Variants in SNAP91 observed in about 807,000 individuals in gnomAD.
SNAP91 encodes synaptosome associated protein 91, also known as clathrin coat assembly protein AP180.
In SNAP91, 27 loss-of-function variants were observed where a neutral mutation model predicts 100.3. The observed-to-expected ratio is 0.27, with a 90% CI of 0.20 to 0.37. SNAP91 has a LOEUF of 0.37. SNAP91 is among the 10% of genes least tolerant of loss of function. The pLI is 1.00. For synonymous variants in SNAP91, 404 were observed against 398.6 expected, an observed-to-expected ratio of 1.01 and a Z score of -0.16; for missense variants, 986 against 1,123.7, an observed-to-expected ratio of 0.88 and a Z score of 1.75.
chr6:83,555,992 C>T (rs971738673), intron 29 of SNAP91, among the ~76,000 whole-genome samples, 151 bp downstream of exon 29: 7 of 151,940 alleles, frequency 4.6e-5, no homozygotes, highest in Non-Finnish European at 1.0e-4. Context: ...TTAAAGAGAG[C>T]TTTTAATATC....
chr6:83,568,378 G>T (rs1487900955), intron 26 of SNAP91, among the ~76,000 whole-genome samples: 1 of 152,020 alleles, frequency 6.6e-6, no homozygotes, highest in East Asian at 1.9e-4. Context: ...ATAGCATTAG[G>T]AGATATACCT....
chr6:83,671,304 C>G (rs2098782211), intron 2 of SNAP91, among the ~76,000 whole-genome samples: 1 of 152,010 alleles, frequency 6.6e-6, no homozygotes, highest in Non-Finnish European at 1.5e-5. Context: ...TCTAAATGTT[C>G]TTGCCAATAT....
chr6:83,600,072 C>T (rs2094987108), intron 16 of SNAP91, among the ~76,000 whole-genome samples: 1 of 152,212 alleles, frequency 6.6e-6, no homozygotes, highest in African/African-American at 2.4e-5. Context: ...ATGTGAGCCA[C>T]TGCGCCAGAC....
chr6:83,586,137 A>T (rs1052823647), intron 22 of SNAP91, among the ~76,000 whole-genome samples: 2 of 152,182 alleles, frequency 1.3e-5, no homozygotes, highest in African/African-American at 4.8e-5. Flanking sequence ...GGCATGAGCC[A>T]CCGTGCCCGG....
chr6:83,654,778 T>A (rs1414876376), intron 7 of SNAP91, among the ~76,000 whole-genome samples: 1 of 152,184 alleles, frequency 6.6e-6, no homozygotes, highest in African/African-American at 2.4e-5. Context: ...AACAGTAGAT[T>A]ATAAACTTAA....
At chr6:83,571,114 T>C (rs1363349615) in intron 26 of SNAP91, among the ~76,000 whole-genome samples, 1 of 151,632 alleles carries the variant, frequency 6.6e-6, no homozygotes, top group Non-Finnish European at 1.5e-5. Flanking sequence ...CCACCTCTTT[T>C]TTTTTTTTTC....
At chr6:83,563,473 G>C (rs1447411423) in intron 26 of SNAP91, among the ~76,000 whole-genome samples, 1 of 152,062 alleles carries the variant, frequency 6.6e-6, no homozygotes, top group African/African-American at 2.4e-5. Context: ...CTAAAAACAA[G>C]ACAAGGAGGT....
intron 11 of SNAP91, among the ~76,000 whole-genome samples, chr6:83,614,012 T>C (rs900334443): frequency 6.6e-6 from 1 of 152,214 alleles, no homozygotes; most frequent in East Asian, 1.9e-4. Context: ...GGTTTCACTA[T>C]GAACACAGCA....
chr6:83,670,827 T>C (rs1174998999), intron 2 of SNAP91, among the ~76,000 whole-genome samples: 1 of 148,222 alleles, frequency 6.7e-6, no homozygotes, highest in Non-Finnish European at 1.5e-5. Flanking sequence ...TCTTTGAGTC[T>C]CTTTTAGGAC....
chr6:83,628,986 TAC>T (rs2097094543), intron 8 of SNAP91, among the ~76,000 whole-genome samples: 2 of 152,340 alleles, frequency 1.3e-5, no homozygotes, highest in East Asian at 3.9e-4. Flanking sequence ...CTAGAATTTT[TAC>T]AGTTTCAGAT....
chr6:83,679,018 T>C (rs2098950157), intron 2 of SNAP91: 2 of 381,252 alleles, frequency 5.2e-6, no homozygotes, highest in Admixed American at 5.2e-5. Context: ...CAAACTCAGA[T>C]GGAAAATATT....
chr6:83,559,712 G>A (rs1322600737), intron 28 of SNAP91, among the ~76,000 whole-genome samples: 1 of 152,170 alleles, frequency 6.6e-6, no homozygotes, highest in Admixed American at 6.5e-5. Flanking sequence ...ATTGCAGTTA[G>A]TGTCACGAGT....
intron 2 of SNAP91, among the ~76,000 whole-genome samples, chr6:83,687,927 A>G (rs1392772785): frequency 6.6e-6 from 1 of 152,192 alleles, no homozygotes; most frequent in Admixed American, 6.5e-5. Context: ...TGCAGTTGTT[A>G]TCTACCGAGA....
chr6:83,556,362 A>G (rs1363403481), intron 28 of SNAP91, 117 bp from the exon 29 acceptor site: 2 of 470,792 alleles, frequency 4.2e-6, no homozygotes, highest in Admixed American at 3.4e-5. Context: ...AGAGAGAGAG[A>G]GAGAGAGAGA....
At chr6:83,659,591 A>C (rs545980188) in intron 5 of SNAP91, among the ~76,000 whole-genome samples, 50 of 152,002 alleles carry the variant, frequency 3.3e-4, no homozygotes, top group Middle Eastern at 3.4e-3. Flanking sequence ...CACCCGGTTA[A>C]TTTTTAAAAA....
At chr6:83,642,924 A>G (rs1428416526) in intron 7 of SNAP91, among the ~76,000 whole-genome samples, 1 of 152,074 alleles carries the variant, frequency 6.6e-6, no homozygotes, top group African/African-American at 2.4e-5. Flanking sequence ...TTTGATTTGC[A>G]TTTCTTTGAT....
rs565525909 is a variant in SNAP91 at position 83,571,441 on chromosome 6, A to G, written c.2442+3569T>C. ...CTTGCATCATGTGTGACCTGGATAT[A>G]AGACTTGGCGTCAAAGGAGATCATT... On this transcript the variant is annotated intron_variant, in intron 26 of 29. Transcript: ENST00000369694. Among the ~76,000 whole-genome samples the G allele has an allele frequency of 5.9e-5, 9 of 152,260 alleles. No homozygotes were observed. The East Asian group carries it at 9.7e-4, about 16-fold the overall frequency.
At chr6:83,690,250 T>A in intron 2 of SNAP91, 1 of 1,126,620 alleles carries the variant, frequency 8.9e-7, no homozygotes, top group Non-Finnish European at 1.1e-6. Context: ...ACAAATCTCT[T>A]CTTGAGAAAT....
At chr6:83,604,687 C>G (rs1292516139) in intron 14 of SNAP91, among the ~76,000 whole-genome samples, 5 of 152,164 alleles carry the variant, frequency 3.3e-5, no homozygotes, top group African/African-American at 1.2e-4. Context: ...CAGATCTTGT[C>G]TGCTAGTGAT....
Sources: gnomAD v4.1 joint callset for allele counts (sites outside exome capture counted in the v4.1 genomes callset) on GRCh38, gnomAD v4.1.1 for gene constraint, MANE v1.5 for transcripts, NCBI Gene and HGNC (gene_info 2026-07-23, HGNC 2026-07-21) for gene names.